Variants in DTX2 observed in about 807,000 individuals in gnomAD.
DTX2 encodes the protein probable E3 ubiquitin-protein ligase DTX2.
A neutral mutation model predicts 55.3 loss-of-function variants in DTX2; 29 were observed. The ratio of observed to expected loss-of-function variants is 0.52; its 90% CI spans 0.39 to 0.71. DTX2 has a LOEUF of 0.71. Ranked by LOEUF, DTX2 falls within the 30% of genes least tolerant of loss-of-function variation. The probability of loss-of-function intolerance (pLI) is 0.00; values close to 1 mark genes in which losing one functional copy is unlikely to be tolerated. For missense variants in DTX2, 537 were observed against 822.5 expected (o/e 0.65, Z 4.25); for synonymous variants, 276 against 340.4 (o/e 0.81, Z 2.08).
At chr7:76,472,787 CCACT>C (rs1808095126) in intron 2 of DTX2, among the ~76,000 whole-genome samples, 1 of 152,064 alleles carries the variant, frequency 6.6e-6, no homozygotes, top group Middle Eastern at 3.2e-3. Context: ...TATCGTTTCT[CCACT>C]CAAAGACAGC....
intron 2 of DTX2, among the ~76,000 whole-genome samples, chr7:76,472,971 T>C (rs1482036193): frequency 6.6e-6 from 1 of 152,158 alleles, no homozygotes; most frequent in African/African-American, 2.4e-5. Context: ...TCTTGATACA[T>C]ATATTACCAA....
intron 2 of DTX2, among the ~76,000 whole-genome samples, chr7:76,466,940 C>T (rs1371810323): frequency 1.3e-5 from 2 of 151,756 alleles, no homozygotes; most frequent in Non-Finnish European, 2.9e-5. Context: ...CCTTGTAACC[C>T]AGGCAGCTGG....
rs1332736533 is a variant in DTX2, at chr7:76,497,281, GAA to G, written c.1010-55_1010-54del. ...GCAGGGTTTGTTGGCGTCACATGCC[GAA>G]GGAGTCTTCTAATGTCTCTCCCTCT... On this transcript the variant is annotated intron_variant, in intron 5 of 10. Transcript: ENST00000430490. 1.9e-6 allele frequency: 3 copies of G among 1,596,052 alleles called. No individual in the cohort carries two copies. The African/African-American group carries it at 4.0e-5, about 21-fold the overall frequency.
chr7:76,490,746 C>T (rs1454604549), intron 4 of DTX2, among the ~76,000 whole-genome samples: 4 of 97,634 alleles, frequency 4.1e-5, no homozygotes, highest in South Asian at 4.4e-4. Flanking sequence ...TAGCTGGGAC[C>T]ACAGGTGCAT....
Position 76,505,550 on chromosome 7 carries a change from G to C in DTX2, c.1818G>C (p.Leu606=), listed in dbSNP as rs1354998171. 5.0e-6 allele frequency: 8 copies of C among 1,604,618 alleles called. No individual in the cohort carries two copies. The highest frequency in any genetic ancestry group is 8.5e-7 in the Non-Finnish European group (1 of 1,176,716). ...ACCCCAACTACCTGCAGAACGTGCT[G>C]GCTGAGCTGGCTGCCCAGGGGGTGA... ...YPDPNYLQNV[L]AELAAQGVTE... The change falls in exon 11 of 11, where the codon CTG becomes CTC. Residue 606 remains leucine (L), a synonymous_variant. Transcript: ENST00000430490. The surrounding 1 kb of genome is among the most constrained non-coding windows in gnomAD (Gnocchi z 4.4).
In DTX2 at chr7:76,505,615, C is replaced by T. The variant is rs1055173533; in HGVS notation, c.*14C>T. 17 of 1,504,396 alleles carry T rather than the reference C, an allele frequency of 1.1e-5. No homozygotes were observed. In the Admixed American group the frequency reaches 1.2e-4, roughly 11 times the overall value. 93.2% of individuals were successfully genotyped at this position (1,504,396 alleles called of 1,614,324 possible). A position where few individuals can be genotyped will look rare whatever the true frequency, so the allele number is the denominator to read the frequency against. The stretch of plus-strand genomic sequence containing the variant: ...GAGCAGCAGTGACCTCGCACCCCAG[C>T]ACGCCCGCCTCTGGTGGCCACCCCG... On this transcript the variant is annotated 3_prime_UTR_variant, in exon 11 of 11. Transcript: ENST00000430490. This position sits in a 1 kb window ranked among gnomAD's most constrained non-coding sequence, Gnocchi z 4.4.
chr7:76,502,538 G>A (rs543111051), intron 8 of DTX2, 82 bp downstream of exon 8: 15 of 1,477,222 alleles, frequency 1.0e-5, no homozygotes, highest in East Asian at 4.8e-5. Flanking sequence ...GGAGGGTTCC[G>A]GGGGTGGCTG....
chr7:76,504,871 G>A (rs1159887766), intron 10 of DTX2, among the ~76,000 whole-genome samples: 1 of 152,056 alleles, frequency 6.6e-6, no homozygotes, highest in Non-Finnish European at 1.5e-5. Flanking sequence ...TGAAGACAGG[G>A]TGCCCCCCAG....
rs897793772 is a variant in DTX2, at chr7:76,505,082, G to T, written c.1642-292G>T. Among the ~76,000 whole-genome samples the T allele has an allele frequency of 1.2e-4, 18 of 151,848 alleles. No homozygotes were observed. The highest frequency in any genetic ancestry group is 4.4e-4 in the African/African-American group (18 of 41,350). ...GGTGGGCGGGCGCTCGTCCAGCAACGGCTGTGGAAGCAGGGAGGACTCGAG... is the reference window on the plus strand; with the variant it reads ...GGTGGGCGGGCGCTCGTCCAGCAACTGCTGTGGAAGCAGGGAGGACTCGAG... On this transcript the variant is annotated intron_variant, in intron 10 of 10. Transcript: ENST00000430490. The surrounding 1 kb of genome is among the most constrained non-coding windows in gnomAD (Gnocchi z 4.4).
intron 8 of DTX2, chr7:76,502,760 C>T (rs118124993): frequency 0.013 from 6,294 of 470,564 alleles, 350 homozygotes; most frequent in East Asian, 0.13. Context: ...CCGCCTCCCC[C>T]TCGGCCACTT....
intron 6 of DTX2, among the ~76,000 whole-genome samples, chr7:76,497,829 G>A (rs1383847697): frequency 1.3e-5 from 2 of 150,730 alleles, no homozygotes; most frequent in African/African-American, 2.5e-5. Flanking sequence ...CACGTGTCTC[G>A]GGAAAGGCCC....
chr7:76,480,759 C>G lies in DTX2; in HGVS notation c.250C>G (p.Gln84Glu). Reference sequence around the variant, plus strand: ...CATTATTGACCTCCCCAGCTGGACCCAGTTCCGCCAGGACACCGGTAAGAC... The same window carrying G: ...CATTATTGACCTCCCCAGCTGGACCGAGTTCCGCCAGGACACCGGTAAGAC... ...PYIIDLPSWT[Q>E]FRQDTGTMRA... The change falls in exon 3 of 11, where the codon CAG becomes GAG. Residue 84 changes from glutamine to glutamate, a missense_variant. Transcript: ENST00000430490. 2.5e-6 allele frequency: 4 copies of G among 1,606,178 alleles called. No individual in the cohort carries two copies. Among genetic ancestry groups the G allele is most frequent in the Non-Finnish European group, 3.4e-6 (4 of 1,175,592 alleles).
chr7:76,483,874 C>T (rs1019030300), intron 4 of DTX2, among the ~76,000 whole-genome samples: 22 of 151,768 alleles, frequency 1.4e-4, no homozygotes, highest in Non-Finnish European at 2.6e-4. Flanking sequence ...AGCAACATAG[C>T]GAGACCCCAT....
chr7:76,505,675 G>A lies in DTX2; in HGVS notation c.*74G>A. 2 of 1,461,978 alleles carry A rather than the reference G, an allele frequency of 1.4e-6. No individual in the cohort carries two copies. Among genetic ancestry groups the A allele is most frequent in the Non-Finnish European group, 1.8e-6 (2 of 1,085,410 alleles). 90.6% of individuals were successfully genotyped at this position (1,461,978 alleles called of 1,614,324 possible). A position where few individuals can be genotyped will look rare whatever the true frequency, so the allele number is the denominator to read the frequency against. ...GGCTGGCTGGGTGGCCAGGCAGGAA[G>A]TGCCCAGCCCGAGAGGCTGGGAGGT... On this transcript the variant is annotated 3_prime_UTR_variant, in exon 11 of 11. Transcript: ENST00000430490. This position sits in a 1 kb window ranked among gnomAD's most constrained non-coding sequence, Gnocchi z 4.4.
intron 4 of DTX2, among the ~76,000 whole-genome samples, chr7:76,486,907 C>T (rs1378104760): frequency 4.2e-4 from 46 of 109,482 alleles, no homozygotes; most frequent in African/African-American, 1.8e-3. Context: ...TAAAAGAACT[C>T]ACTTCCTCTT....
chr7:76,505,430 G>T lies in DTX2; in HGVS notation c.1698G>T (p.Thr566=). The T allele has an allele frequency of 1.2e-6, 2 of 1,601,572 alleles. No homozygotes were observed. The highest frequency in any genetic ancestry group is 1.7e-6 in the Non-Finnish European group (2 of 1,174,372). ...WKRRLIFTVG[T]SSTTGETDTV... ...GGCGGCTCATCTTCACAGTGGGCAC[G>T]TCCAGCACCACGGGTGAGACGGACA... The change falls in exon 11 of 11, where the codon ACG becomes ACT. Residue 566 remains threonine (T), a synonymous_variant. Transcript: ENST00000430490. This position sits in a 1 kb window ranked among gnomAD's most constrained non-coding sequence, Gnocchi z 4.4.
chr7:76,501,969 C>T (rs1438331498), intron 7 of DTX2: 2 of 345,272 alleles, frequency 5.8e-6, no homozygotes, highest in Non-Finnish European at 1.0e-5. Flanking sequence ...GCTCTGCAAC[C>T]TCTGCCCCCT....
chr7:76,481,485 A>C (rs1809208293), intron 3 of DTX2, among the ~76,000 whole-genome samples: 2 of 151,926 alleles, frequency 1.3e-5, no homozygotes, highest in African/African-American at 4.8e-5. Flanking sequence ...CCGCGCCTGG[A>C]CCTGCAGTGT....
chr7:76,503,214 A>G (rs1811935738), intron 8 of DTX2, among the ~76,000 whole-genome samples: 1 of 152,208 alleles, frequency 6.6e-6, no homozygotes, highest in Non-Finnish European at 1.5e-5. Flanking sequence ...TCCTGATAGC[A>G]TGTCCCTTAA....
Sources: allele counts gnomAD v4.1 joint callset (sites outside exome capture counted in the v4.1 genomes callset), GRCh38; gene constraint gnomAD v4.1.1; non-coding constraint Gnocchi (gnomAD v3.1); transcripts MANE v1.5; gene names NCBI Gene and HGNC (gene_info 2026-07-23, HGNC 2026-07-21).